Variants in DNAAF9 observed in about 807,000 individuals in gnomAD.
DNAAF9 encodes the protein dynein axonemal assembly factor 9, also known as shulin.
A neutral mutation model predicts 167.0 loss-of-function variants in DNAAF9; 90 were observed. That is an observed-to-expected ratio of 0.54 (90% CI 0.45 to 0.64). The LOEUF is 0.64. Ranked by LOEUF, DNAAF9 falls within the 30% of genes least tolerant of loss-of-function variation. DNAAF9 has a pLI of 0.00. For missense variants in DNAAF9, 1,315 were observed against 1,442.2 expected (o/e 0.91, Z 1.43); for synonymous variants, 491 against 508.8 (o/e 0.96, Z 0.47).
chr20:3,325,109 G>C, intron 13 of DNAAF9, 141 bp from the exon 14 acceptor site: 1 of 662,838 alleles, frequency 1.5e-6, no homozygotes, highest in East Asian at 2.6e-5. Flanking sequence ...TGACTACTTG[G>C]TAGGCATGAA....
chr20:3,364,948 T>C (rs6051799), intron 6 of DNAAF9, among the ~76,000 whole-genome samples: 246 of 121,496 alleles, frequency 2.0e-3, no homozygotes, highest in Admixed American at 3.0e-3. Context: ...TCCTTTTTTC[T>C]TTTTTTTTTT....
intron 1 of DNAAF9, among the ~76,000 whole-genome samples, chr20:3,400,554 G>A (rs1430749489): frequency 6.6e-6 from 1 of 150,458 alleles, no homozygotes; most frequent in Non-Finnish European, 1.5e-5. Flanking sequence ...TGCCAAATGA[G>A]CTGCCTTTTC....
chr20:3,309,819 A>G (rs1171303143), intron 20 of DNAAF9, among the ~76,000 whole-genome samples: 3 of 152,222 alleles, frequency 2.0e-5, no homozygotes, highest in Non-Finnish European at 4.4e-5. Context: ...AGCATCAGAA[A>G]TAAAATAAAA....
At chr20:3,259,086 A>G (rs1406778632) in intron 33 of DNAAF9, among the ~76,000 whole-genome samples, 3 of 152,200 alleles carry the variant, frequency 2.0e-5, no homozygotes, top group African/African-American at 7.2e-5. Context: ...CAGAAGCTCA[A>G]AGACTTTGGT....
chr20:3,391,078 C>A (rs897758342), intron 1 of DNAAF9, among the ~76,000 whole-genome samples: 14 of 152,330 alleles, frequency 9.2e-5, no homozygotes, highest in African/African-American at 3.4e-4. Context: ...AGTTTCCTTT[C>A]CACAACTATG....
chr20:3,296,294 C>T lies in DNAAF9; in HGVS notation c.2018+567G>A, dbSNP rs577217725. On this transcript the variant is annotated intron_variant, in intron 23 of 36. Transcript: ENST00000252032. Reference sequence around the variant, plus strand: ...CCCCCCAAGACAGGTGAGACGGGCCCGGCGCCCAACACCATGCTTGGCCCG... The same window carrying T: ...CCCCCCAAGACAGGTGAGACGGGCCTGGCGCCCAACACCATGCTTGGCCCG... 365 of 383,822 alleles carry T rather than the reference C, an allele frequency of 9.5e-4. 1 individual carries two copies. Among genetic ancestry groups the T allele is most frequent in the Non-Finnish European group, 1.6e-3 (323 of 196,276 alleles). 23.8% of individuals were successfully genotyped at this position (383,822 alleles called of 1,614,324 possible).
intron 29 of DNAAF9, among the ~76,000 whole-genome samples, chr20:3,276,768 A>G (rs908121985): frequency 6.6e-6 from 1 of 152,308 alleles, no homozygotes. Context: ...AAAGGAAAAG[A>G]AGGCTCCAGC....
At chr20:3,382,376 A>G (rs759179432) in intron 2 of DNAAF9, 51 bp downstream of exon 2, 3 of 1,453,028 alleles carry the variant, frequency 2.1e-6, no homozygotes, top group Non-Finnish European at 1.9e-6. Context: ...CTGTGAACAA[A>G]AAAAGCCAAG....
intron 20 of DNAAF9, among the ~76,000 whole-genome samples, chr20:3,308,422 A>G (rs1447979719): frequency 6.8e-6 from 1 of 148,106 alleles, no homozygotes; most frequent in East Asian, 2.0e-4. Flanking sequence ...TGCTCACTGC[A>G]ATCTCCGCCT....
intron 1 of DNAAF9, among the ~76,000 whole-genome samples, chr20:3,383,842 A>G (rs1250715592): frequency 7.1e-6 from 1 of 140,852 alleles, no homozygotes; most frequent in Non-Finnish European, 1.5e-5. Context: ...TCTGTCGCCC[A>G]GGCTGGAGTG....
At chr20:3,293,601 C>A (rs1169976006) in intron 25 of DNAAF9, among the ~76,000 whole-genome samples, 1 of 145,340 alleles carries the variant, frequency 6.9e-6, no homozygotes, top group East Asian at 2.1e-4. Context: ...GGGACAATCA[C>A]TTGAGCCCAG....
In DNAAF9 at chr20:3,315,047, G is replaced by T; in HGVS notation, c.1664C>A (p.Ser555Tyr). 1 of 1,605,814 alleles carries T rather than the reference G, an allele frequency of 6.2e-7. No individual in the cohort carries two copies. Among genetic ancestry groups the T allele is most frequent in the Non-Finnish European group, 8.5e-7 (1 of 1,172,452 alleles). Residue 555 changes from serine to tyrosine, a missense_variant, in exon 20 of 37, where the codon TCC becomes TAC. Transcript: ENST00000252032. This position sits in a 1 kb window ranked among gnomAD's most constrained non-coding sequence, Gnocchi z 4.1. ...TAGCTCCTTACCTTCCTCAGGCCAG[G>T]ACTGTAGATTGCTGGAATAAAGATA... ...GAYLYSSNLQ[S>Y]WPEEGNVHFF...
chr20:3,359,616 T>G lies in DNAAF9; in HGVS notation c.613-23A>C, dbSNP rs368654574. ...CAACTGCAACAGAGGGCAAAAACAT[T>G]GAAATAATTAAGTCAATATCATTAG... On this transcript the variant is annotated intron_variant, in intron 6 of 36. Coordinates refer to ENST00000252032, the MANE Select transcript of DNAAF9 (RefSeq NM_001009984.3). 14 of 1,529,430 alleles carry G rather than the reference T, an allele frequency of 9.2e-6. No individual in the cohort carries two copies. The African/African-American group carries it at 1.7e-4, about 18-fold the overall frequency. The allele number at this position is 1,529,430 out of a possible 1,614,324, so 94.7% of individuals were successfully genotyped here. A position where few individuals can be genotyped will look rare whatever the true frequency, so the allele number is the denominator to read the frequency against.
intron 31 of DNAAF9, among the ~76,000 whole-genome samples, chr20:3,264,051 A>G (rs2068441104): frequency 6.6e-6 from 1 of 152,228 alleles, no homozygotes; most frequent in Non-Finnish European, 1.5e-5. Flanking sequence ...CAGGGAACCC[A>G]GCAGATGGGA....
chr20:3,270,297 C>T (rs1421370179), intron 30 of DNAAF9, 130 bp downstream of exon 30: 17 of 815,708 alleles, frequency 2.1e-5, no homozygotes, highest in South Asian at 1.6e-4. Context: ...TGCGTGCCAC[C>T]GCACCTGGCT....
intron 30 of DNAAF9, among the ~76,000 whole-genome samples, chr20:3,269,863 C>G (rs1165938513): frequency 1.3e-5 from 2 of 151,122 alleles, no homozygotes; most frequent in Non-Finnish European, 2.9e-5. Flanking sequence ...GAGGCTGAGG[C>G]AGGAGAATGG....
chr20:3,311,121 A>T (rs530872491), intron 20 of DNAAF9, among the ~76,000 whole-genome samples: 1 of 152,298 alleles, frequency 6.6e-6, no homozygotes, highest in South Asian at 2.1e-4. Context: ...ACAGTCTGCA[A>T]TACCAAAAAA....
intron 31 of DNAAF9, among the ~76,000 whole-genome samples, chr20:3,263,575 C>A (rs558480694): frequency 9.2e-5 from 14 of 152,314 alleles, no homozygotes; most frequent in African/African-American, 3.1e-4. Flanking sequence ...GTCATTAACT[C>A]TTTGCTGCCC....
At chr20:3,368,543 T>C (rs60231890) in intron 6 of DNAAF9, among the ~76,000 whole-genome samples, 91,749 of 145,012 alleles carry the variant, frequency 0.63, 29,387 homozygotes, top group South Asian at 0.69. Context: ...GACAGAGTCT[T>C]GCTCTTTCGC....
Sources: gnomAD v4.1 joint callset for allele counts (sites outside exome capture counted in the v4.1 genomes callset) on GRCh38, gnomAD v4.1.1 for gene constraint, Gnocchi (gnomAD v3.1) non-coding constraint, MANE v1.5 for transcripts, NCBI Gene and HGNC (gene_info 2026-07-23, HGNC 2026-07-21) for gene names.